PTPRD: variants seen among roughly 807,000 people sequenced by gnomAD.
PTPRD encodes the protein protein tyrosine phosphatase receptor type D.
A neutral mutation model predicts 214.5 loss-of-function variants in PTPRD; 34 were observed. That is an observed-to-expected ratio of 0.16 (90% CI 0.12 to 0.21). The LOEUF is 0.21. PTPRD is among the 10% of genes least tolerant of loss of function. PTPRD has a pLI of 1.00. For synonymous variants in PTPRD, 1,128 were observed against 845.7 expected, an observed-to-expected ratio of 1.33 and a Z score of -5.79; for missense variants, 2,545 against 2,398.7, an observed-to-expected ratio of 1.06 and a Z score of -1.27.
intron 4 of PTPRD, among the ~76,000 whole-genome samples, chr9:9,947,557 ATATATTT>A (rs1376647112): frequency 0.016 from 585 of 37,704 alleles, 2 homozygotes; most frequent in Admixed American, 0.019. Context: ...TATATTATAT[ATATATTT>A]TATATATATA....
rs992188404 is a variant in PTPRD at position 8,941,256 on chromosome 9, C to G, written c.-104+77441G>C. On this transcript the variant is annotated intron_variant, in intron 11 of 45. Transcript: ENST00000381196. Reference sequence around the variant, plus strand: ...CAATAAGGAAGCATTTACTAAAATGCTTACTAAAACACTAAAGTAAAAGCT... The same window carrying G: ...CAATAAGGAAGCATTTACTAAAATGGTTACTAAAACACTAAAGTAAAAGCT... 2.6e-5 allele frequency among the ~76,000 whole-genome samples: 4 copies of G among 152,118 alleles called. No individual in the cohort carries two copies. The South Asian group carries it at 6.2e-4, about 24-fold the overall frequency.
At chr9:9,774,130 C>T (rs1005586270) in intron 5 of PTPRD, among the ~76,000 whole-genome samples, 3 of 152,160 alleles carry the variant, frequency 2.0e-5, no homozygotes, top group African/African-American at 7.2e-5. Context: ...CTAAGGATAT[C>T]GGAATCAAGA....
intron 3 of PTPRD, among the ~76,000 whole-genome samples, chr9:10,161,161 T>C (rs1378699006): frequency 6.6e-6 from 1 of 151,908 alleles, no homozygotes; most frequent in African/African-American, 2.4e-5. Flanking sequence ...ACAAATTTAA[T>C]GCAATCCCAA....
At chr9:8,580,020 T>A in intron 14 of PTPRD, among the ~76,000 whole-genome samples, 1 of 152,192 alleles carries the variant, frequency 6.6e-6, no homozygotes, top group South Asian at 2.1e-4. Context: ...TTTGCAGGGA[T>A]TACAAGTTTC....
At chr9:10,057,058 T>C (rs1037389308) in intron 3 of PTPRD, among the ~76,000 whole-genome samples, 1 of 152,186 alleles carries the variant, frequency 6.6e-6, no homozygotes, top group Admixed American at 6.6e-5. Flanking sequence ...AAATTGCAAG[T>C]CAGCAAAGCT....
intron 21 of PTPRD, among the ~76,000 whole-genome samples, chr9:8,508,214 C>G (rs2097580402): frequency 6.6e-6 from 1 of 152,204 alleles, no homozygotes; most frequent in Admixed American, 6.5e-5. Context: ...GCCATGTCAT[C>G]TATTCAACAG....
chr9:9,792,665 A>T (rs1473464969), intron 5 of PTPRD, among the ~76,000 whole-genome samples: 1 of 152,172 alleles, frequency 6.6e-6, no homozygotes, highest in African/African-American at 2.4e-5. Context: ...GCTCTGTGCT[A>T]TTTTCAGATG....
At chr9:8,958,301 A>G (rs1446826532) in intron 11 of PTPRD, among the ~76,000 whole-genome samples, 2 of 151,910 alleles carry the variant, frequency 1.3e-5, no homozygotes, top group African/African-American at 2.4e-5. Flanking sequence ...AATGTTCCAT[A>G]TACTTCTTCT....
chr9:9,572,893 G>T (rs1444418292), intron 8 of PTPRD, among the ~76,000 whole-genome samples: 4 of 151,314 alleles, frequency 2.6e-5, no homozygotes, highest in African/African-American at 7.3e-5. Flanking sequence ...GAAAAACCCC[G>T]GTGTCAGTGA....
At chr9:9,484,467 G>A (rs1275580053) in intron 8 of PTPRD, among the ~76,000 whole-genome samples, 1 of 152,146 alleles carries the variant, frequency 6.6e-6, no homozygotes, top group East Asian at 1.9e-4. Context: ...TCTTGATCTG[G>A]AGGTGGCTAC....
At chr9:10,469,074 T>C (rs1186520759) in intron 2 of PTPRD, among the ~76,000 whole-genome samples, 1 of 152,166 alleles carries the variant, frequency 6.6e-6, no homozygotes, top group Non-Finnish European at 1.5e-5. Context: ...GATAGGTATA[T>C]AGTAAGTATG....
intron 5 of PTPRD, among the ~76,000 whole-genome samples, chr9:9,848,623 T>A (rs779427245): frequency 2.5e-4 from 38 of 152,122 alleles, no homozygotes; most frequent in Non-Finnish European, 4.7e-4. Flanking sequence ...AGCTGTGCCT[T>A]CAATCTATAT....
At chr9:9,871,038 T>A (rs1269206151) in intron 5 of PTPRD, among the ~76,000 whole-genome samples, 1 of 152,174 alleles carries the variant, frequency 6.6e-6, no homozygotes, top group African/African-American at 2.4e-5. Flanking sequence ...ATTTGATCCC[T>A]TGAATCAGAA....
intron 7 of PTPRD, among the ~76,000 whole-genome samples, chr9:9,679,484 C>A (rs1485542635): frequency 1.3e-5 from 2 of 151,678 alleles, no homozygotes; most frequent in African/African-American, 4.8e-5. Context: ...ATGACGGATC[C>A]CCCTGTGAAT....
intron 14 of PTPRD, among the ~76,000 whole-genome samples, chr9:8,618,579 G>A (rs758452548): frequency 1.3e-5 from 2 of 152,044 alleles, no homozygotes; most frequent in African/African-American, 4.8e-5. Flanking sequence ...CAAAGAGAAA[G>A]CCATGGAGTC....
chr9:9,680,494 C>G (rs2097044403), intron 7 of PTPRD, among the ~76,000 whole-genome samples: 1 of 151,706 alleles, frequency 6.6e-6, no homozygotes, highest in Non-Finnish European at 1.5e-5. Flanking sequence ...TTTGATGAGC[C>G]ACTATTAATG....
chr9:10,418,754 G>C (rs568717706), intron 2 of PTPRD, among the ~76,000 whole-genome samples: 98 of 151,876 alleles, frequency 6.5e-4, no homozygotes, highest in Non-Finnish European at 8.5e-4. Flanking sequence ...GCAGAAGGAA[G>C]AAATGGTTGG....
intron 7 of PTPRD, among the ~76,000 whole-genome samples, chr9:9,636,785 C>T (rs571277735): frequency 1.3e-5 from 2 of 152,256 alleles, no homozygotes; most frequent in South Asian, 4.1e-4. Flanking sequence ...GTCTCTTTAT[C>T]CTGCTATAAC....
At chr9:9,070,801 T>C (rs2099742614) in intron 10 of PTPRD, among the ~76,000 whole-genome samples, 1 of 152,192 alleles carries the variant, frequency 6.6e-6, no homozygotes, top group African/African-American at 2.4e-5. Context: ...AAACACTCAA[T>C]GTGCTAAGCA....
Sources: allele counts gnomAD v4.1 joint callset (sites outside exome capture counted in the v4.1 genomes callset), GRCh38; gene constraint gnomAD v4.1.1; transcripts MANE v1.5; gene names NCBI Gene and HGNC (gene_info 2026-07-23, HGNC 2026-07-21).